Variants in CNTN4 observed in about 807,000 individuals in gnomAD.
CNTN4 encodes the protein contactin 4, also known as contactin-4.
A neutral mutation model predicts 122.5 loss-of-function variants in CNTN4; 77 were observed. The observed-to-expected ratio is 0.63, with a 90% CI of 0.52 to 0.76. The LOEUF (loss-of-function observed/expected upper bound fraction) is 0.76. Among genes scored for constraint, CNTN4 ranks in the 30% least tolerant of loss-of-function variants. CNTN4 has a pLI of 0.00. For missense variants in CNTN4, 1,256 were observed against 1,259.1 expected (o/e 1.00, Z 0.04); for synonymous variants, 512 against 447.0 (o/e 1.15, Z -1.83).
At chr3:2,955,206 A>G (rs934800466) in intron 13 of CNTN4, among the ~76,000 whole-genome samples, 3 of 152,218 alleles carry the variant, frequency 2.0e-5, no homozygotes, top group East Asian at 1.9e-4. Flanking sequence ...TTTAAAAGTC[A>G]TATATAATGA....
Position 2,841,892 on chromosome 3 carries a change from G to A in CNTN4, c.454+22311G>A, listed in dbSNP as rs1298559716. On this transcript the variant is annotated intron_variant, in intron 7 of 24. Coordinates refer to ENST00000418658, the MANE Select transcript of CNTN4 (RefSeq NM_175607.3). The surrounding 1 kb of genome is among the most constrained non-coding windows in gnomAD (Gnocchi z 4.8). ...TATCACAGTAAGAAGCTGATCAAAG[G>A]TGTTGAAAGCTGACTGTTAAAGGAT... is the stretch of plus-strand genomic sequence containing the variant. Among the ~76,000 whole-genome samples, 1 of 150,544 alleles carries A rather than the reference G, an allele frequency of 6.6e-6. No individual in the cohort carries two copies. Among genetic ancestry groups the A allele is most frequent in the Non-Finnish European group, 1.5e-5 (1 of 68,034 alleles).
chr3:2,241,389 A>T (rs1372107089), intron 2 of CNTN4, among the ~76,000 whole-genome samples: 1 of 151,992 alleles, frequency 6.6e-6, no homozygotes, highest in Non-Finnish European at 1.5e-5. Context: ...CTAATCATCA[A>T]CTCATTATAT....
chr3:2,778,594 G>A (rs183576138), intron 6 of CNTN4, among the ~76,000 whole-genome samples: 1 of 152,236 alleles, frequency 6.6e-6, no homozygotes, highest in African/African-American at 2.4e-5. Flanking sequence ...CATTCAGTAA[G>A]TGCTGTTTCA....
intron 7 of CNTN4, among the ~76,000 whole-genome samples, chr3:2,838,014 G>A (rs2093266583): frequency 6.6e-6 from 1 of 152,134 alleles, no homozygotes; most frequent in Admixed American, 6.5e-5. Flanking sequence ...TAAGAATCGA[G>A]TCTGAATTAA....
chr3:2,763,008 C>T (rs1322392062), intron 6 of CNTN4, among the ~76,000 whole-genome samples: 1 of 142,096 alleles, frequency 7.0e-6, no homozygotes, highest in African/African-American at 2.6e-5. Flanking sequence ...GTGGCTCGAT[C>T]TCAGCTCTCC....
At chr3:2,422,000 G>A (rs997386812) in intron 3 of CNTN4, among the ~76,000 whole-genome samples, 2 of 151,954 alleles carry the variant, frequency 1.3e-5, no homozygotes, top group African/African-American at 4.8e-5. Flanking sequence ...TGTACTCCTA[G>A]CCACTATTTA....
chr3:2,549,793 C>T (rs1302444016), intron 3 of CNTN4, among the ~76,000 whole-genome samples: 1 of 152,050 alleles, frequency 6.6e-6, no homozygotes, highest in Non-Finnish European at 1.5e-5. Flanking sequence ...CCTCTTTGTA[C>T]CTCTGGTAGA....
chr3:2,708,908 TAA>T (rs1399180099), intron 4 of CNTN4, among the ~76,000 whole-genome samples: 2 of 152,228 alleles, frequency 1.3e-5, no homozygotes, highest in Non-Finnish European at 2.9e-5. Flanking sequence ...AATATTGTAA[TAA>T]GAGAACTTTT....
intron 3 of CNTN4, among the ~76,000 whole-genome samples, chr3:2,477,242 G>A (rs1478554637): frequency 6.6e-6 from 1 of 152,174 alleles, no homozygotes; most frequent in Non-Finnish European, 1.5e-5. Flanking sequence ...ACCTGGGACA[G>A]GATTCAGGCC....
intron 4 of CNTN4, among the ~76,000 whole-genome samples, chr3:2,686,650 T>C (rs1178767457): frequency 6.6e-6 from 1 of 152,170 alleles, no homozygotes; most frequent in Non-Finnish European, 1.5e-5. Context: ...TATTTGTGTG[T>C]GTGTCTGTGT....
chr3:2,897,547 C>T (rs1234540801), intron 10 of CNTN4, among the ~76,000 whole-genome samples: 1 of 151,956 alleles, frequency 6.6e-6, no homozygotes, highest in Admixed American at 6.6e-5. Context: ...ACCTGAAATG[C>T]TTGGGACCAG....
chr3:2,099,749 A>G (rs956703982), intron 1 of CNTN4: 5 of 152,012 alleles, frequency 3.3e-5, no homozygotes, highest in Admixed American at 3.3e-4. Flanking sequence ...AGGCAAGACA[A>G]CCGCCCCGTC....
At chr3:2,298,773 T>C (rs759573191) in intron 2 of CNTN4, among the ~76,000 whole-genome samples, 18 of 152,190 alleles carry the variant, frequency 1.2e-4, no homozygotes, top group Non-Finnish European at 2.1e-4. Context: ...GGCATATATG[T>C]GTAGATTAAG....
chr3:2,383,293 A>T (rs962151826), intron 3 of CNTN4, among the ~76,000 whole-genome samples: 1 of 152,108 alleles, frequency 6.6e-6, no homozygotes, highest in Non-Finnish European at 1.5e-5. Context: ...TATTTATCCA[A>T]CCTCTGTTTA....
chr3:2,786,400 C>T (rs1414371007), intron 6 of CNTN4, among the ~76,000 whole-genome samples: 1 of 152,212 alleles, frequency 6.6e-6, no homozygotes, highest in Non-Finnish European at 1.5e-5. Context: ...GAGTGTTGCT[C>T]CTGCCAGTTG....
chr3:2,487,655 G>C (rs2076200875), intron 3 of CNTN4, among the ~76,000 whole-genome samples: 1 of 152,128 alleles, frequency 6.6e-6, no homozygotes, highest in South Asian at 2.1e-4. Context: ...TTTTGTATGA[G>C]AGATTGTGAC....
chr3:2,992,945 T>C (rs1402236001), intron 14 of CNTN4, among the ~76,000 whole-genome samples: 1 of 152,140 alleles, frequency 6.6e-6, no homozygotes, highest in African/African-American at 2.4e-5. Flanking sequence ...ATCTAACTCC[T>C]AGGGAGGAGG....
At chr3:2,324,670 G>A (rs2043392044) in intron 2 of CNTN4, among the ~76,000 whole-genome samples, 2 of 152,024 alleles carry the variant, frequency 1.3e-5, no homozygotes, top group South Asian at 4.2e-4. Flanking sequence ...TACCCCAAAA[G>A]GTAAAGGAAT....
At chr3:2,285,547 G>C (rs1007101448) in intron 2 of CNTN4, among the ~76,000 whole-genome samples, 2 of 151,908 alleles carry the variant, frequency 1.3e-5, no homozygotes, top group African/African-American at 4.8e-5. Context: ...TTAAAAACTA[G>C]CTACAAAGGG....
Sources: gnomAD v4.1 joint callset for allele counts (sites outside exome capture counted in the v4.1 genomes callset) on GRCh38, gnomAD v4.1.1 for gene constraint, Gnocchi (gnomAD v3.1) non-coding constraint, MANE v1.5 for transcripts, NCBI Gene and HGNC (gene_info 2026-07-23, HGNC 2026-07-21) for gene names.